NRG3: variants seen among roughly 807,000 people sequenced by gnomAD.
The protein encoded by NRG3 is pro-neuregulin-3, membrane-bound isoform.
In NRG3, 31 loss-of-function variants were observed where a neutral mutation model predicts 66.9. The ratio of observed to expected loss-of-function variants is 0.46; its 90% CI spans 0.35 to 0.63. The LOEUF (loss-of-function observed/expected upper bound fraction) is 0.63. Ranked by LOEUF, NRG3 falls within the 20% of genes least tolerant of loss-of-function variation. The pLI is 0.00. For synonymous variants in NRG3, 393 were observed against 359.4 expected, an observed-to-expected ratio of 1.09 and a Z score of -1.06; for missense variants, 910 against 878.9, an observed-to-expected ratio of 1.04 and a Z score of -0.45.
intron 3 of NRG3, among the ~76,000 whole-genome samples, chr10:82,755,106 T>G (rs2059024406): frequency 6.6e-6 from 1 of 152,064 alleles, no homozygotes; most frequent in Non-Finnish European, 1.5e-5. Flanking sequence ...CAGGAGAGTC[T>G]CAGGTAGTTT....
At chr10:82,117,216 G>C (rs2067782714) in intron 1 of NRG3, among the ~76,000 whole-genome samples, 1 of 152,072 alleles carries the variant, frequency 6.6e-6, no homozygotes, top group Non-Finnish European at 1.5e-5. Context: ...TTTTCTCTAT[G>C]AGTTCTCCTC....
At chr10:81,967,243 G>T (rs2059765490) in intron 1 of NRG3, among the ~76,000 whole-genome samples, 1 of 151,610 alleles carries the variant, frequency 6.6e-6, no homozygotes, top group African/African-American at 2.4e-5. Flanking sequence ...AGTAGTTTGT[G>T]ATTTCCCTGA....
chr10:82,151,216 C>T (rs1310874421), intron 1 of NRG3, among the ~76,000 whole-genome samples: 1 of 152,176 alleles, frequency 6.6e-6, no homozygotes, highest in Non-Finnish European at 1.5e-5. Flanking sequence ...CAGCCTTCTG[C>T]AGTACCAGTG....
At chr10:82,919,075 G>A (rs945296082) in intron 4 of NRG3, among the ~76,000 whole-genome samples, 1 of 148,028 alleles carries the variant, frequency 6.8e-6, no homozygotes, top group African/African-American at 2.6e-5. Context: ...GTGTGTGTGT[G>A]TGTGTGTGTG....
intron 2 of NRG3, among the ~76,000 whole-genome samples, chr10:82,695,656 A>G (rs1354327984): frequency 6.6e-6 from 1 of 152,092 alleles, no homozygotes; most frequent in Admixed American, 6.6e-5. Context: ...ATTTTCTCCT[A>G]TTATGTTATA....
At chr10:82,276,838 C>T (rs752870967) in intron 1 of NRG3, among the ~76,000 whole-genome samples, 11 of 151,828 alleles carry the variant, frequency 7.2e-5, no homozygotes, top group Non-Finnish European at 1.5e-4. Context: ...AATTGAACTT[C>T]GTGTGTGTAT....
intron 1 of NRG3, among the ~76,000 whole-genome samples, chr10:81,907,013 A>C (rs1844660402): frequency 6.6e-6 from 1 of 152,126 alleles, no homozygotes; most frequent in Non-Finnish European, 1.5e-5. Flanking sequence ...CTAGAGTAGG[A>C]GAGGTTTGGA....
chr10:82,620,117 C>T (rs1466311062), intron 2 of NRG3, among the ~76,000 whole-genome samples: 1 of 152,128 alleles, frequency 6.6e-6, no homozygotes, highest in Non-Finnish European at 1.5e-5. Context: ...GGTGGGGGTG[C>T]CTGCGGCCCC....
intron 7 of NRG3, among the ~76,000 whole-genome samples, chr10:82,978,018 G>T (rs975979918): frequency 6.6e-6 from 1 of 152,156 alleles, no homozygotes; most frequent in African/African-American, 2.4e-5. Flanking sequence ...ATGGAGCACA[G>T]AATTCTCAGT....
intron 2 of NRG3, among the ~76,000 whole-genome samples, chr10:82,651,310 G>C (rs1004733613): frequency 3.9e-5 from 6 of 152,180 alleles, no homozygotes; most frequent in Non-Finnish European, 7.4e-5. Context: ...GAGATCTCCA[G>C]ATTAAAAAGA....
chr10:81,983,526 T>C (rs1387503708), intron 1 of NRG3, among the ~76,000 whole-genome samples: 1 of 152,250 alleles, frequency 6.6e-6, no homozygotes, highest in Non-Finnish European at 1.5e-5. Context: ...CATTAACTTT[T>C]AAAGGATGAA....
chr10:82,900,589 A>C (rs2131875072), intron 4 of NRG3, among the ~76,000 whole-genome samples: 1 of 152,338 alleles, frequency 6.6e-6, no homozygotes, highest in South Asian at 2.1e-4. Context: ...AGAATAAAAT[A>C]AACAGTACTT....
chr10:82,228,832 C>T (rs2076300946), intron 1 of NRG3: 1 of 152,196 alleles, frequency 6.6e-6, no homozygotes. Flanking sequence ...TTATTTGCAA[C>T]AATGCACTCT....
Position 82,879,467 on chromosome 10 carries a change from CTTTTTTTTTT to C in NRG3, c.1054+14044_1054+14053del, listed in dbSNP as rs201614818. Among the ~76,000 whole-genome samples the C allele has an allele frequency of 4.6e-3, 565 of 121,832 alleles. 8 individuals carry two copies. The highest frequency in any genetic ancestry group is 0.015 in the African/African-American group (474 of 31,894). The allele number at this position is 121,832 out of a possible 152,430, so 79.9% of individuals were successfully genotyped here. On this transcript the variant is annotated intron_variant, in intron 4 of 8. Coordinates refer to ENST00000372141, the MANE Select transcript of NRG3 (RefSeq NM_001010848.4). Reference sequence around the variant, plus strand: ...AAAAATGGTATTAATCTAATGAAGACTTTTTTTTTTTTTTTTTTTTTTTGAGACGGAGTCT... The same window carrying C: ...AAAAATGGTATTAATCTAATGAAGACTTTTTTTTTTTTTGAGACGGAGTCT...
chr10:82,070,947 A>G (rs1450446895), intron 1 of NRG3, among the ~76,000 whole-genome samples: 1 of 152,212 alleles, frequency 6.6e-6, no homozygotes, highest in African/African-American at 2.4e-5. Context: ...AAATTGTTCA[A>G]AAGAATACTT....
chr10:82,106,350 C>T (rs939456608), intron 1 of NRG3, among the ~76,000 whole-genome samples: 1 of 152,154 alleles, frequency 6.6e-6, no homozygotes, highest in Admixed American at 6.6e-5. Context: ...CAGGAGGGTT[C>T]ACCACAAGGC....
At chr10:81,934,038 T>G (rs970888825) in intron 1 of NRG3, among the ~76,000 whole-genome samples, 1 of 152,304 alleles carries the variant, frequency 6.6e-6, no homozygotes, top group South Asian at 2.1e-4. Flanking sequence ...TAATTTTATA[T>G]AATTTATTTC....
intron 1 of NRG3, among the ~76,000 whole-genome samples, chr10:82,236,710 C>CTTTTTTTTT (rs370359467): frequency 4.3e-5 from 4 of 93,514 alleles, no homozygotes; most frequent in East Asian, 3.6e-4. Flanking sequence ...AAAACTAGAA[C>CTTTTTTTTT]TTTTTTTTTT....
intron 6 of NRG3, among the ~76,000 whole-genome samples, chr10:82,966,469 A>G (rs903143373): frequency 4.6e-5 from 7 of 152,174 alleles, no homozygotes; most frequent in Non-Finnish European, 1.0e-4. Context: ...ATGTCATATC[A>G]AGATACACGC....
Sources: gnomAD v4.1 joint callset for allele counts (sites outside exome capture counted in the v4.1 genomes callset) on GRCh38, gnomAD v4.1.1 for gene constraint, MANE v1.5 for transcripts, NCBI Gene and HGNC (gene_info 2026-07-23, HGNC 2026-07-21) for gene names.